The following ANKS4B variants were observed in gnomAD, a reference collection of about 807,000 sequenced individuals.
ANKS4B encodes the protein ankyrin repeat and SAM domain-containing protein 4B.
A neutral mutation model predicts 20.2 loss-of-function variants in ANKS4B; 21 were observed. The ratio of observed to expected loss-of-function variants is 1.04; its 90% CI spans 0.74 to 1.50. The LOEUF is 1.50. ANKS4B is among the 40% of genes most tolerant of loss of function. ANKS4B has a pLI of 0.00. For synonymous variants in ANKS4B, 179 were observed against 194.5 expected, an observed-to-expected ratio of 0.92 and a Z score of 0.66; for missense variants, 473 against 494.6, an observed-to-expected ratio of 0.96 and a Z score of 0.41.
intron 1 of ANKS4B, among the ~76,000 whole-genome samples, chr16:21,241,513 A>G (rs1005373590): frequency 6.6e-6 from 1 of 152,070 alleles, no homozygotes; most frequent in African/African-American, 2.4e-5. Context: ...TCCCAGGTTC[A>G]AGCAATTCTC....
intron 1 of ANKS4B, among the ~76,000 whole-genome samples, chr16:21,237,249 G>C (rs189751907): frequency 7.2e-5 from 11 of 152,110 alleles, no homozygotes; most frequent in African/African-American, 2.4e-4. Flanking sequence ...TCGAACTCCT[G>C]ACCTCAGGTG....
chr16:21,235,040 G>T (rs2093318608), intron 1 of ANKS4B, among the ~76,000 whole-genome samples: 1 of 152,156 alleles, frequency 6.6e-6, no homozygotes, highest in African/African-American at 2.4e-5. Context: ...TAGTGATGGG[G>T]TTTTGCCATG....
intron 1 of ANKS4B, among the ~76,000 whole-genome samples, chr16:21,247,411 T>A (rs751458063): frequency 2.0e-5 from 3 of 152,198 alleles, no homozygotes; most frequent in South Asian, 4.1e-4. Context: ...AGACCCAACG[T>A]TGAGCAGCCA....
chr16:21,244,492 C>T (rs1024582371), intron 1 of ANKS4B, among the ~76,000 whole-genome samples: 7 of 151,988 alleles, frequency 4.6e-5, no homozygotes, highest in Non-Finnish European at 7.4e-5. Context: ...ACATTTAACC[C>T]GGACACCTTA....
rs2093338099 is a variant in ANKS4B at position 21,250,558 on chromosome 16, G to A, written c.992G>A (p.Trp331Ter). ...AACGGCCTCAAAGATGATCTGCCGTGGGATGACGATGAAGTGGAGTGGGAG... is the reference window on the plus strand; with the variant it reads ...AACGGCCTCAAAGATGATCTGCCGTAGGATGACGATGAAGTGGAGTGGGAG... ...EENGLKDDLP[W>*]DDDEVEWEED... is the part of the protein sequence containing the mutation. The change falls in exon 2 of 2, where the codon TGG (tryptophan) becomes TAG (stop). Residue 331 changes from tryptophan to a stop codon, truncating the protein, a stop_gained. Coordinates refer to ENST00000311620, the MANE Select transcript of ANKS4B (RefSeq NM_145865.3). LOFTEE classifies it high-confidence loss of function. 1 of 1,614,176 alleles carries A rather than the reference G, an allele frequency of 6.2e-7. No homozygotes were observed. The highest frequency in any genetic ancestry group is 8.5e-7 in the Non-Finnish European group (1 of 1,180,038).
At chr16:21,245,326 T>G (rs1019637288) in intron 1 of ANKS4B, among the ~76,000 whole-genome samples, 11 of 152,140 alleles carry the variant, frequency 7.2e-5, no homozygotes, top group African/African-American at 2.7e-4. Context: ...TGGACTTCTT[T>G]GAGTTGGGTT....
chr16:21,245,700 A>T (rs2093331477), intron 1 of ANKS4B, among the ~76,000 whole-genome samples: 1 of 152,116 alleles, frequency 6.6e-6, no homozygotes, highest in African/African-American at 2.4e-5. Context: ...CCTGGCCTCC[A>T]GTGATCCACC....
At position 21,241,816 on chromosome 16, in the gene ANKS4B, CTA is replaced by C. The variant is rs199540581; in HGVS notation, c.165-7913_165-7912del. Among the ~76,000 whole-genome samples, 1,154 of 152,228 alleles carry C rather than the reference CTA, an allele frequency of 7.6e-3. 8 individuals are homozygous for C. Among genetic ancestry groups the C allele is most frequent in the Non-Finnish European group, 8.2e-3 (555 of 68,010 alleles). On this transcript the variant is annotated intron_variant, in intron 1 of 1. Transcript: ENST00000311620. The stretch of plus-strand genomic sequence containing the variant: ...TGTGGAATTAAGTCAAGCTAATTGA[CTA>C]TGTGTTATCTTCTATACTTTTTGTG...
intron 1 of ANKS4B, among the ~76,000 whole-genome samples, chr16:21,244,935 T>C (rs1008896973): frequency 2.0e-5 from 3 of 152,128 alleles, no homozygotes; most frequent in African/African-American, 7.2e-5. Context: ...CTCCACACAC[T>C]CTGGTCACGC....
At position 21,250,660 on chromosome 16, in the gene ANKS4B, A is replaced by C; in HGVS notation, c.1094A>C (p.Lys365Thr). The change falls in exon 2 of 2, where the codon AAG becomes ACG. Residue 365 changes from lysine to threonine, a missense_variant. Transcript: ENST00000311620. ...QHLEEFLPIF[K>T]REQIDLEALL... ...CTGGAAGAATTCCTGCCTATCTTCA[A>C]GAGAGAGCAGATTGATCTAGAAGCT... 1 of 1,613,918 alleles carries C rather than the reference A, an allele frequency of 6.2e-7. No homozygotes were observed. Among genetic ancestry groups the C allele is most frequent in the South Asian group, 1.1e-5 (1 of 91,078 alleles).
intron 1 of ANKS4B, among the ~76,000 whole-genome samples, chr16:21,240,497 C>CA (rs1435925621): frequency 2.0e-5 from 3 of 152,260 alleles, no homozygotes; most frequent in East Asian, 3.9e-4. Context: ...CCATGTTGGC[C>CA]AGGCTGGTCT....
At chr16:21,238,959 C>T (rs556664910) in intron 1 of ANKS4B, 7 of 152,114 alleles carry the variant, frequency 4.6e-5, no homozygotes, top group Non-Finnish European at 8.8e-5. Context: ...AAAAAAAGAA[C>T]AGAAGTCTTG....
chr16:21,240,439 C>T (rs1405030815), intron 1 of ANKS4B, among the ~76,000 whole-genome samples: 4 of 152,038 alleles, frequency 2.6e-5, no homozygotes, highest in Non-Finnish European at 5.9e-5. Flanking sequence ...CAGGTGCCTG[C>T]CACCACACCC....
chr16:21,240,815 G>C (rs892527619), intron 1 of ANKS4B, among the ~76,000 whole-genome samples: 3 of 150,012 alleles, frequency 2.0e-5, no homozygotes, highest in Non-Finnish European at 4.4e-5. Context: ...GTGAGAGACA[G>C]AGTCTTGTTC....
intron 1 of ANKS4B, among the ~76,000 whole-genome samples, chr16:21,235,967 C>T (rs547361240): frequency 6.6e-6 from 1 of 152,328 alleles, no homozygotes; most frequent in East Asian, 1.9e-4. Context: ...CCTCATTCCA[C>T]AAACTGCAAG....
At position 21,250,827 on chromosome 16, in the gene ANKS4B, G is replaced by A. The variant is rs575160611; in HGVS notation, c.*7G>A. ...GGTCGACACCAGCCTGTGATGGAGA[G>A]TTTTGGCCTGGAGCATTGGGGTGAT... On this transcript the variant is annotated 3_prime_UTR_variant, in exon 2 of 2. Coordinates refer to ENST00000311620, the MANE Select transcript of ANKS4B (RefSeq NM_145865.3). 8.2e-6 allele frequency: 13 copies of A among 1,579,464 alleles called. No homozygotes were observed. Among genetic ancestry groups the A allele is most frequent in the Non-Finnish European group, 1.0e-5 (12 of 1,157,718 alleles).
At chr16:21,239,549 C>G (rs1356615220) in intron 1 of ANKS4B, among the ~76,000 whole-genome samples, 2 of 152,306 alleles carry the variant, frequency 1.3e-5, no homozygotes, top group East Asian at 3.9e-4. Flanking sequence ...CCACTGCACT[C>G]CAGCCTGGGG....
intron 1 of ANKS4B, 56 bp from the exon 2 acceptor site, chr16:21,249,675 C>T: frequency 1.3e-6 from 2 of 1,524,988 alleles, no homozygotes; most frequent in Non-Finnish European, 1.8e-6. Context: ...TTTTTTGGGC[C>T]TGCGTTCAGA....
rs1306425967 is a variant in ANKS4B at position 21,250,881 on chromosome 16, G to A, written c.*61G>A. 27 of 1,525,422 alleles carry A rather than the reference G, an allele frequency of 1.8e-5. No individual in the cohort carries two copies. Among genetic ancestry groups the A allele is most frequent in the African/African-American group, 1.1e-4 (8 of 72,472 alleles). 94.5% of individuals were successfully genotyped at this position (1,525,422 alleles called of 1,614,324 possible). A position where few individuals can be genotyped will look rare whatever the true frequency, so the allele number is the denominator to read the frequency against. On this transcript the variant is annotated 3_prime_UTR_variant, in exon 2 of 2. Coordinates refer to ENST00000311620, the MANE Select transcript of ANKS4B (RefSeq NM_145865.3). ...GTGGCCCGCTGGCAGCACTCCAGGC[G>A]GCACCCCCTCTTTACCCAATGCCAG...
Sources: allele counts gnomAD v4.1 joint callset (sites outside exome capture counted in the v4.1 genomes callset), GRCh38; gene constraint gnomAD v4.1.1; transcripts MANE v1.5; gene names NCBI Gene and HGNC (gene_info 2026-07-23, HGNC 2026-07-21).